Variants in GALNT9 observed in about 807,000 individuals in gnomAD.
GALNT9 encodes the protein GalNAc transferase 9.
GALNT9 carries 47 observed loss-of-function variants against 63.1 expected under a neutral mutation model. That is an observed-to-expected ratio of 0.75 (90% CI 0.59 to 0.95). The LOEUF (loss-of-function observed/expected upper bound fraction) is 0.95. GALNT9 is among the 40% of genes least tolerant of loss of function. The pLI, the probability that GALNT9 is intolerant of heterozygous loss-of-function variation, is 0.00. For missense variants in GALNT9, 829 were observed against 874.8 expected (o/e 0.95, Z 0.66); for synonymous variants, 396 against 365.7 (o/e 1.08, Z -0.94).
intron 6 of GALNT9, among the ~76,000 whole-genome samples, chr12:132,230,964 C>T (rs1013139549): frequency 2.0e-5 from 3 of 152,018 alleles, no homozygotes; most frequent in Non-Finnish European, 2.9e-5. Context: ...CAGAGACTCA[C>T]CCTAGTGCCA....
chr12:132,286,219 G>A lies in GALNT9; in HGVS notation c.419+31C>T, dbSNP rs1325655020. 4.6e-5 allele frequency: 71 copies of A among 1,531,884 alleles called. No individual in the cohort carries two copies. Among genetic ancestry groups the A allele is most frequent in the Non-Finnish European group, 5.4e-5 (61 of 1,134,984 alleles). The allele number at this position is 1,531,884 out of a possible 1,614,324, so 94.9% of individuals were successfully genotyped here. A position where few individuals can be genotyped will look rare whatever the true frequency, so the allele number is the denominator to read the frequency against. ...GGGGGCGGTCACTTCCTCGGCGGGC[G>A]TCGGGGGATGGGGGGCAGTCACTCA... On this transcript the variant is annotated intron_variant, in intron 2 of 10. Transcript: ENST00000328957. The surrounding 1 kb of genome is among the most constrained non-coding windows in gnomAD (Gnocchi z 7.4).
chr12:132,247,989 C>A lies in GALNT9; in HGVS notation c.998G>T (p.Arg333Leu). The A allele has an allele frequency of 6.4e-7, 1 of 1,551,436 alleles. No homozygotes were observed. ...AMIGCSFVVDREYFGDIGLLD... is the reference protein window; with the variant it reads ...AMIGCSFVVDLEYFGDIGLLD... ...CAGCCCAATGTCTCCGAAGTACTCGCGGTCCACTACGAAGGAGCAGCCGAT... is the reference window on the plus strand; with the variant it reads ...CAGCCCAATGTCTCCGAAGTACTCGAGGTCCACTACGAAGGAGCAGCCGAT... The change falls in exon 6 of 11, where the codon CGC becomes CTC. Residue 333 changes from arginine to leucine, a missense_variant. Physicochemically the swap from Arg to Leu is moderately radical, Grantham distance 102. Transcript: ENST00000328957.
At chr12:132,248,958 AG>A (rs1309742824) in intron 5 of GALNT9, among the ~76,000 whole-genome samples, 17 of 152,206 alleles carry the variant, frequency 1.1e-4, no homozygotes, top group African/African-American at 3.6e-4. Flanking sequence ...CAGGATCTGC[AG>A]AGTGGAGCGG....
rs1296482114 is a variant in GALNT9, at chr12:132,238,040, T to C, written c.1077+9870A>G. On this transcript the variant is annotated intron_variant, in intron 6 of 10. Coordinates refer to ENST00000328957, the MANE Select transcript of GALNT9 (RefSeq NM_001122636.2). The surrounding 1 kb of genome is among the most constrained non-coding windows in gnomAD (Gnocchi z 6.5). ...GGGGAGCCAGGCAAGGACTCTGCAG[T>C]GGGTGAGCCAAGGTCAGGTGGAGGT... 6.6e-6 allele frequency among the ~76,000 whole-genome samples: 1 copy of C among 152,134 alleles called. No homozygotes were observed. The highest frequency in any genetic ancestry group is 2.4e-5 in the African/African-American group (1 of 41,430).
chr12:132,245,711 T>TCTGAGC lies in GALNT9; in HGVS notation c.1077+2193_1077+2198dup, dbSNP rs1878684082. Reference sequence around the variant, plus strand: ...AGGTTCGCTGTCGTCCCGGCTTTGCTCTGAGCCTGAGCCTGGGATGCACCC... The same window carrying TCTGAGC: ...AGGTTCGCTGTCGTCCCGGCTTTGCTCTGAGCCTGAGCCTGAGCCTGGGATGCACCC... On this transcript the variant is annotated intron_variant, in intron 6 of 10. Transcript: ENST00000328957. The surrounding 1 kb of genome is among the most constrained non-coding windows in gnomAD (Gnocchi z 6.3). Among the ~76,000 whole-genome samples the TCTGAGC allele has an allele frequency of 6.6e-6, 1 of 152,202 alleles. No homozygotes were observed. The highest frequency in any genetic ancestry group is 2.1e-4 in the South Asian group (1 of 4,836).
At position 132,196,478 on chromosome 12, in the gene GALNT9, G is replaced by A. The variant is rs1875514785; in HGVS notation, c.*629C>T. 1 of 985,578 alleles carries A rather than the reference G, an allele frequency of 1.0e-6. No homozygotes were observed. The highest frequency in any genetic ancestry group is 4.7e-5 in the South Asian group (1 of 21,296). The allele number at this position is 985,578 out of a possible 1,614,324, so 61.1% of individuals were successfully genotyped here. On this transcript the variant is annotated 3_prime_UTR_variant, in exon 11 of 11. Coordinates refer to ENST00000328957, the MANE Select transcript of GALNT9 (RefSeq NM_001122636.2). ...AGGTGGGACCGGGCCCCAACCCCCA[G>A]CTCGGCTCCCAGGAAGACACACACA...
At chr12:132,248,734 G>A (rs1555238292) in intron 5 of GALNT9, among the ~76,000 whole-genome samples, 1 of 152,236 alleles carries the variant, frequency 6.6e-6, no homozygotes, top group African/African-American at 2.4e-5. Context: ...ACTGCCAGCT[G>A]TACTATACTT....
chr12:132,243,380 C>T (rs1212876558), intron 6 of GALNT9, among the ~76,000 whole-genome samples: 1 of 151,302 alleles, frequency 6.6e-6, no homozygotes, highest in Non-Finnish European at 1.5e-5. Flanking sequence ...CCAGTCCTCC[C>T]CGTCCTCCGG....
At position 132,201,186 on chromosome 12, in the gene GALNT9, A is replaced by C. The variant is rs1593461606; in HGVS notation, c.1339T>G (p.Trp447Gly). 8 of 1,613,002 alleles carry C rather than the reference A, an allele frequency of 5.0e-6. No homozygotes were observed. In the East Asian group the frequency reaches 1.6e-4, roughly 31 times the overall value. ...RQRLKCRSFKWYLENVYPEMR... is the reference protein window; with the variant it reads ...RQRLKCRSFKGYLENVYPEMR... Reference sequence around the variant, plus strand: ...TCCGGGTACACGTTCTCCAGGTACCACTTGAAGCTGCGACACTTCAGCCTC... The same window carrying C: ...TCCGGGTACACGTTCTCCAGGTACCCCTTGAAGCTGCGACACTTCAGCCTC... The change falls in exon 8 of 11, where the codon TGG becomes GGG. Residue 447 changes from tryptophan (W) to glycine (G), a missense_variant. Physicochemically the swap from Trp to Gly is radical, Grantham distance 184. Coordinates refer to ENST00000328957, the MANE Select transcript of GALNT9 (RefSeq NM_001122636.2).
chr12:132,291,458 CATCCACA>C, intron 1 of GALNT9, among the ~76,000 whole-genome samples: 1 of 146,314 alleles, frequency 6.8e-6, no homozygotes, highest in African/African-American at 2.6e-5. Flanking sequence ...ACATCACCCA[CATCCACA>C]GCACCCACGT....
rs1189148635 is a variant in GALNT9, at chr12:132,329,254, G to T, written c.-51C>A. The T allele has an allele frequency of 5.3e-6, 8 of 1,516,888 alleles. No homozygotes were observed. The East Asian group carries it at 1.5e-4, about 28-fold the overall frequency. The allele number at this position is 1,516,888 out of a possible 1,614,324, so 94.0% of individuals were successfully genotyped here. A position where few individuals can be genotyped will look rare whatever the true frequency, so the allele number is the denominator to read the frequency against. On this transcript the variant is annotated 5_prime_UTR_variant, in exon 1 of 11. Transcript: ENST00000328957. ...CCCGCGGGGCATCCCCAGCATCCCCGCCCGGGCCTGGGCTTCAGCTTCGGC... is the reference window on the plus strand; with the variant it reads ...CCCGCGGGGCATCCCCAGCATCCCCTCCCGGGCCTGGGCTTCAGCTTCGGC...
At chr12:132,281,386 C>T (rs987973964) in intron 2 of GALNT9, among the ~76,000 whole-genome samples, 4 of 152,184 alleles carry the variant, frequency 2.6e-5, no homozygotes, top group Admixed American at 2.0e-4. Flanking sequence ...GCTTCTCAGC[C>T]ACGTGTGCAG....
chr12:132,218,155 C>T (rs957328309), intron 6 of GALNT9, among the ~76,000 whole-genome samples: 2 of 152,238 alleles, frequency 1.3e-5, no homozygotes, highest in Non-Finnish European at 2.9e-5. Context: ...CTCATCCATC[C>T]ACCCATCTGC....
Position 132,321,218 on chromosome 12 carries a change from G to GT in GALNT9, c.238+7747dup, listed in dbSNP as rs1555246108. Among the ~76,000 whole-genome samples the GT allele has an allele frequency of 1.4e-4, 4 of 28,906 alleles. No homozygotes were observed. The East Asian group carries it at 0.011, about 78-fold the overall frequency. 19.0% of individuals were successfully genotyped at this position (28,906 alleles called of 152,430 possible). ...CTGTTGGTCCAGAGTCGAGGCCCCT[G>GT]TGGGTCTGGAGTCGAGGCCCCTGTC... is the stretch of plus-strand genomic sequence containing the variant. On this transcript the variant is annotated intron_variant, in intron 1 of 10. Coordinates refer to ENST00000328957, the MANE Select transcript of GALNT9 (RefSeq NM_001122636.2).
At chr12:132,213,511 G>GCACTC (rs1565988912) in intron 6 of GALNT9, among the ~76,000 whole-genome samples, 6 of 146,592 alleles carry the variant, frequency 4.1e-5, no homozygotes, top group Admixed American at 6.8e-5. Flanking sequence ...ACACACAGGC[G>GCACTC]CACTCACACA....
Position 132,219,710 on chromosome 12 carries a change from GGGACACCTCCCCA to G in GALNT9, c.1078-16033_1078-16021del. On this transcript the variant is annotated intron_variant, in intron 6 of 10. Transcript: ENST00000328957. The stretch of plus-strand genomic sequence containing the variant: ...GTGACACCCGCCCGGGTAAGGGGAA[GGGACACCTCCCCA>G]GGGTGACACCCGCCCGGGTAAGGGG... 1.1e-4 allele frequency among the ~76,000 whole-genome samples: 16 copies of G among 144,996 alleles called. 1 individual carries two copies. Among genetic ancestry groups the G allele is most frequent in the Non-Finnish European group, 7.6e-5 (5 of 65,698 alleles).
chr12:132,290,905 T>A (rs1254794080), intron 1 of GALNT9, among the ~76,000 whole-genome samples: 1 of 37,726 alleles, frequency 2.7e-5, no homozygotes, highest in Non-Finnish European at 4.4e-5. Context: ...AGCACCCACG[T>A]CCACAGCACC....
chr12:132,249,009 C>T (rs1214301963), intron 5 of GALNT9, among the ~76,000 whole-genome samples: 1 of 152,152 alleles, frequency 6.6e-6, no homozygotes, highest in Non-Finnish European at 1.5e-5. Flanking sequence ...ACGCGACGTG[C>T]GAGCTCATTC....
At chr12:132,224,933 C>T (rs1414528027) in intron 6 of GALNT9, among the ~76,000 whole-genome samples, 2 of 149,604 alleles carry the variant, frequency 1.3e-5, no homozygotes, top group South Asian at 2.1e-4. Flanking sequence ...CATGCATAAA[C>T]ACAACCCACA....
Sources: allele counts gnomAD v4.1 joint callset (sites outside exome capture counted in the v4.1 genomes callset), GRCh38; gene constraint gnomAD v4.1.1; non-coding constraint Gnocchi (gnomAD v3.1); transcripts MANE v1.5; gene names NCBI Gene and HGNC (gene_info 2026-07-23, HGNC 2026-07-21).